The following TRIP12 variants were observed in gnomAD, a reference collection of about 807,000 sequenced individuals.
TRIP12 encodes the protein E3 ubiquitin-protein ligase TRIP12.
Under a neutral mutation model 244.2 loss-of-function variants are expected in TRIP12, and 25 were observed. The observed-to-expected ratio is 0.10, with a 90% CI of 0.07 to 0.14. The LOEUF is 0.14. Ranked by LOEUF, TRIP12 falls within the 10% of genes least tolerant of loss-of-function variation. The pLI, the probability that TRIP12 is intolerant of heterozygous loss-of-function variation, is 1.00. For synonymous variants in TRIP12, 905 were observed against 873.1 expected (o/e 1.04, Z -0.64); for missense variants, 1,677 against 2,486.4 (o/e 0.67, Z 6.92).
chr2:229,834,255 C>T (rs1015569003), intron 6 of TRIP12, among the ~76,000 whole-genome samples: 2 of 152,184 alleles, frequency 1.3e-5, no homozygotes, highest in African/African-American at 4.8e-5. Context: ...CCAATTGATG[C>T]AAAGTTAACA....
intron 21 of TRIP12, among the ~76,000 whole-genome samples, chr2:229,801,483 T>G (rs996875193): frequency 2.0e-5 from 3 of 152,218 alleles, no homozygotes; most frequent in African/African-American, 4.8e-5. Context: ...TGATCTACTT[T>G]TCAGTTTAAA....
chr2:229,839,295 A>G lies in TRIP12; in HGVS notation c.1133+1527T>C, dbSNP rs564747199. Reference sequence around the variant, plus strand: ...GCCTAGATGTGTAGTAAGCTATACTATCTAGGTTTGTTTTAAGTGTTCTCC... The same window carrying G: ...GCCTAGATGTGTAGTAAGCTATACTGTCTAGGTTTGTTTTAAGTGTTCTCC... On this transcript the variant is annotated intron_variant, in intron 5 of 41. Transcript: ENST00000675903. Among the ~76,000 whole-genome samples the G allele has an allele frequency of 2.0e-5, 3 of 152,280 alleles. No homozygotes were observed. The South Asian group carries it at 6.2e-4, about 32-fold the overall frequency.
At chr2:229,876,132 G>A (rs971869563) in intron 2 of TRIP12, among the ~76,000 whole-genome samples, 4 of 152,126 alleles carry the variant, frequency 2.6e-5, no homozygotes, top group Non-Finnish European at 5.9e-5. Flanking sequence ...AAATTAGCCA[G>A]GTGTGGTGGC....
Position 229,884,236 on chromosome 2 carries a change from C to CTTT in TRIP12, c.-49-4111_-49-4109dup, listed in dbSNP as rs200052292. ...AAAAACATTTTGCAATTTTTCTTTTCTTTTTTTTTTTTTTTTTTGAGACAG... is the reference window on the plus strand; with the variant it reads ...AAAAACATTTTGCAATTTTTCTTTTCTTTTTTTTTTTTTTTTTTTTTGAGACAG... On this transcript the variant is annotated intron_variant, in intron 1 of 41. Coordinates refer to ENST00000675903, the MANE Select transcript of TRIP12 (RefSeq NM_001348323.3). 4.7e-4 allele frequency among the ~76,000 whole-genome samples: 58 copies of CTTT among 123,566 alleles called. 1 individual carries two copies. Among genetic ancestry groups the CTTT allele is most frequent in the African/African-American group, 1.3e-3 (44 of 32,774 alleles). The allele number at this position is 123,566 out of a possible 152,430, so 81.1% of individuals were successfully genotyped here.
chr2:229,865,170 G>T (rs2061281509), intron 2 of TRIP12, among the ~76,000 whole-genome samples: 1 of 151,750 alleles, frequency 6.6e-6, no homozygotes, highest in Admixed American at 6.6e-5. Context: ...AAATTAGCAG[G>T]GTGTAGTGGT....
chr2:229,829,924 G>C (rs372932337), intron 7 of TRIP12, among the ~76,000 whole-genome samples: 10 of 152,300 alleles, frequency 6.6e-5, no homozygotes, highest in African/African-American at 2.2e-4. Context: ...ACTCCAGCCT[G>C]GGCAACAGAG....
intron 6 of TRIP12, among the ~76,000 whole-genome samples, chr2:229,836,136 AT>A (rs1359202828): frequency 4.6e-5 from 7 of 152,208 alleles, no homozygotes; most frequent in Non-Finnish European, 8.8e-5. Context: ...AGTATCTGAA[AT>A]ATCTTTATTC....
chr2:229,783,626 T>C (rs966656718), intron 34 of TRIP12, among the ~76,000 whole-genome samples: 1 of 152,142 alleles, frequency 6.6e-6, no homozygotes, highest in South Asian at 2.1e-4. Context: ...AATTAAAGAT[T>C]CAGATAAGTG....
chr2:229,773,768 G>C (rs2035329703), intron 38 of TRIP12: 1 of 199,016 alleles, frequency 5.0e-6, no homozygotes, highest in Admixed American at 5.3e-5. Flanking sequence ...TGTCAAGCTA[G>C]CTGCCTTGAT....
intron 4 of TRIP12, among the ~76,000 whole-genome samples, chr2:229,845,356 T>C (rs1050019718): frequency 1.3e-5 from 2 of 152,236 alleles, no homozygotes; most frequent in Non-Finnish European, 2.9e-5. Context: ...AACGGCAGCC[T>C]GTGGAACAAA....
In TRIP12 at chr2:229,832,276, C is replaced by T. The variant is rs188431179; in HGVS notation, c.1271-1437G>A. Among the ~76,000 whole-genome samples the T allele has an allele frequency of 3.1e-3, 468 of 152,360 alleles. 4 individuals carry two copies. The highest frequency in any genetic ancestry group is 0.011 in the African/African-American group (448 of 41,582). ...AAATAAAAATTTTATTAGAACATAG[C>T]TGTACTCATTCATTTACAAGTCTGT... On this transcript the variant is annotated intron_variant, in intron 6 of 41. Transcript: ENST00000675903.
chr2:229,874,999 T>C (rs2063339165), intron 2 of TRIP12, among the ~76,000 whole-genome samples: 1 of 152,090 alleles, frequency 6.6e-6, no homozygotes, highest in Admixed American at 6.6e-5. Flanking sequence ...ATACCTGTGC[T>C]AGAACTGGAA....
intron 4 of TRIP12, among the ~76,000 whole-genome samples, chr2:229,847,965 T>C (rs1011058989): frequency 6.6e-6 from 1 of 152,074 alleles, no homozygotes; most frequent in Admixed American, 6.6e-5. Context: ...TCTGACAATA[T>C]ACATTATCCT....
At chr2:229,922,266 CGGG>C, upstream of TRIP12, 3 of 520,112 alleles carry the variant, frequency 5.8e-6, no homozygotes, top group Admixed American at 3.3e-5. Context: ...ATCCCTCCGC[CGGG>C]GTCACCCCCT....
At chr2:229,883,326 G>A (rs2065254752) in intron 1 of TRIP12, among the ~76,000 whole-genome samples, 1 of 152,152 alleles carries the variant, frequency 6.6e-6, no homozygotes, top group Non-Finnish European at 1.5e-5. Flanking sequence ...TCTACGCAAT[G>A]AATTACAGAA....
intron 2 of TRIP12, among the ~76,000 whole-genome samples, chr2:229,867,920 GTAC>G (rs1559987873): frequency 6.6e-6 from 1 of 152,072 alleles, no homozygotes; most frequent in Non-Finnish European, 1.5e-5. Flanking sequence ...TTTAACACGG[GTAC>G]TACTAAGAAT....
chr2:229,833,804 A>G (rs1316132617), intron 6 of TRIP12, among the ~76,000 whole-genome samples: 1 of 152,116 alleles, frequency 6.6e-6, no homozygotes, highest in Non-Finnish European at 1.5e-5. Flanking sequence ...ATGTTTTACA[A>G]AATTAGTTTG....
chr2:229,874,792 A>G (rs1406300442), intron 2 of TRIP12, among the ~76,000 whole-genome samples: 1 of 152,218 alleles, frequency 6.6e-6, no homozygotes, highest in African/African-American at 2.4e-5. Flanking sequence ...ATTTTCCTGA[A>G]GCGTCCCAAT....
chr2:229,826,900 G>A (rs914962706), intron 8 of TRIP12, among the ~76,000 whole-genome samples: 1 of 152,178 alleles, frequency 6.6e-6, no homozygotes, highest in African/African-American at 2.4e-5. Flanking sequence ...AATGGTGAGT[G>A]AGTGTGAAAG....
Sources: allele counts gnomAD v4.1 joint callset (sites outside exome capture counted in the v4.1 genomes callset), GRCh38; gene constraint gnomAD v4.1.1; transcripts MANE v1.5; gene names NCBI Gene and HGNC (gene_info 2026-07-23, HGNC 2026-07-21).